GLB1: variants seen among roughly 807,000 people sequenced by gnomAD.
GLB1 encodes the protein beta-galactosidase.
A neutral mutation model predicts 74.0 loss-of-function variants in GLB1; 56 were observed. That is an observed-to-expected ratio of 0.76 (90% confidence interval 0.61 to 0.94). The LOEUF is 0.94. GLB1 is among the 40% of genes least tolerant of loss of function. GLB1 has a pLI of 0.00. For missense variants in GLB1, 787 were observed against 845.5 expected (o/e 0.93, Z 0.86); for synonymous variants, 323 against 323.6 (o/e 1.00, Z 0.02).
At chr3:32,980,550 A>G in the GLB1 span, among the ~76,000 whole-genome samples, 259 of 152,340 alleles carry the variant, frequency 1.7e-3, 1 homozygote, top group African/African-American at 5.6e-3. Context: ...TGGGAGGCCA[A>G]GGTGGGTGGA....
chr3:33,090,572 T>C, intron 1 of GLB1: 1 of 985,396 alleles, frequency 1.0e-6, no homozygotes, highest in Non-Finnish European at 1.2e-6. Flanking sequence ...GAAAGAATGA[T>C]CAAGCTTCAA....
At position 33,093,001 on chromosome 3, in the gene GLB1, G is replaced by C; in HGVS notation, c.75+4010C>G. The C allele has an allele frequency of 6.2e-7, 1 of 1,614,244 alleles. No homozygotes were observed. Among genetic ancestry groups the C allele is most frequent in the Non-Finnish European group, 8.5e-7 (1 of 1,180,050 alleles). On this transcript the variant is annotated intron_variant, in intron 1 of 15. Transcript: ENST00000307363. This position sits in a 1 kb window ranked among gnomAD's most constrained non-coding sequence, Gnocchi z 6.0. ...AGGAGATAGGCTGCTACGTTCAAGG[G>C]GAAGATCTGCCCAGCATGTGTGTGC... is the stretch of plus-strand genomic sequence containing the variant.
At chr3:32,961,223 AC>A in the GLB1 span, among the ~76,000 whole-genome samples, 5 of 152,274 alleles carry the variant, frequency 3.3e-5, no homozygotes, top group East Asian at 9.6e-4. Context: ...GAATTTTAAA[AC>A]CCCCAAACTC....
At chr3:33,083,296 C>T (rs1278588545) in intron 1 of GLB1, among the ~76,000 whole-genome samples, 2 of 150,770 alleles carry the variant, frequency 1.3e-5, no homozygotes, top group Non-Finnish European at 2.9e-5. Flanking sequence ...TACTTGGAGG[C>T]TGAGGCAGAA....
intron 15 of GLB1, among the ~76,000 whole-genome samples, chr3:32,998,167 G>A (rs565935020): frequency 6.6e-6 from 1 of 152,236 alleles, no homozygotes; most frequent in East Asian, 1.9e-4. Context: ...TAAAAAACAG[G>A]GACCATGTTT....
the GLB1 span, among the ~76,000 whole-genome samples, chr3:32,963,412 C>T: frequency 6.6e-6 from 1 of 152,046 alleles, no homozygotes; most frequent in Admixed American, 6.6e-5. Flanking sequence ...AATTCAGAAG[C>T]CATGAAGGAA....
At chr3:32,994,098 G>A (rs1231064391), downstream of GLB1, among the ~76,000 whole-genome samples, 10 of 152,180 alleles carry the variant, frequency 6.6e-5, no homozygotes, top group African/African-American at 2.2e-4. Flanking sequence ...AAATGAAAAC[G>A]GATGACTACA....
At chr3:33,096,249 T>C (rs1701020441) in intron 1 of GLB1, 1 of 348,252 alleles carries the variant, frequency 2.9e-6, no homozygotes, top group South Asian at 1.2e-4. Context: ...AGGCAGCGCT[T>C]TGGAGCCCCT....
chr3:33,012,945 A>G (rs963207145), intron 15 of GLB1, among the ~76,000 whole-genome samples: 2 of 152,234 alleles, frequency 1.3e-5, no homozygotes, highest in African/African-American at 4.8e-5. Flanking sequence ...CGAATCCATA[A>G]GTGTCCTTAC....
At chr3:33,085,701 A>C (rs553340095) in intron 1 of GLB1, among the ~76,000 whole-genome samples, 57 of 152,238 alleles carry the variant, frequency 3.7e-4, no homozygotes, top group Non-Finnish European at 7.1e-4. Flanking sequence ...ATTAAAAAAA[A>C]AAACAAAACT....
At chr3:33,073,874 A>C (rs1384702640) in intron 1 of GLB1, among the ~76,000 whole-genome samples, 2 of 151,392 alleles carry the variant, frequency 1.3e-5, no homozygotes, top group African/African-American at 4.8e-5. Context: ...ACAAACAAAA[A>C]TTAAGCAGGC....
chr3:33,021,053 G>A (rs1231299175), intron 12 of GLB1, among the ~76,000 whole-genome samples: 1 of 149,160 alleles, frequency 6.7e-6, no homozygotes, highest in Non-Finnish European at 1.5e-5. Flanking sequence ...ATAAAGATGA[G>A]GCAGTGTCTG....
At chr3:33,021,719 CATTCCCTAA>C in intron 11 of GLB1, 64 bp from the exon 12 acceptor site, 7 of 1,559,410 alleles carry the variant, frequency 4.5e-6, no homozygotes, top group Non-Finnish European at 6.1e-6. Flanking sequence ...GTTACAGAGT[CATTCCCTAA>C]TTATCAAAGA....
intron 11 of GLB1, among the ~76,000 whole-genome samples, chr3:33,023,228 T>C (rs1697577366): frequency 6.6e-6 from 1 of 152,224 alleles, no homozygotes; most frequent in Non-Finnish European, 1.5e-5. Context: ...TAAAAATAGA[T>C]TTGTCATGGC....
chr3:33,004,437 C>T (rs926924329), intron 15 of GLB1, among the ~76,000 whole-genome samples: 11 of 152,250 alleles, frequency 7.2e-5, no homozygotes, highest in African/African-American at 2.7e-4. Context: ...AACTGATACA[C>T]ATCTCCATGG....
At chr3:33,032,346 A>T (rs761901953) in intron 10 of GLB1, among the ~76,000 whole-genome samples, 6 of 152,056 alleles carry the variant, frequency 3.9e-5, no homozygotes, top group Non-Finnish European at 7.4e-5. Context: ...AAATCTGTCT[A>T]CCTGGATGTT....
rs189277905 is a variant in GLB1, at chr3:33,031,597, G to A, written c.1069-7272C>T. Among the ~76,000 whole-genome samples, 295 of 95,916 alleles carry A rather than the reference G, an allele frequency of 3.1e-3. 2 individuals are homozygous for A. Among genetic ancestry groups the A allele is most frequent in the African/African-American group, 0.012 (284 of 24,216 alleles). 62.9% of individuals were successfully genotyped at this position (95,916 alleles called of 152,430 possible). ...AGGTGGAAGTTGCCTGGGTGACAGAGCAAGGCTCTGTCTCAAAAAAAAAAA... is the reference window on the plus strand; with the variant it reads ...AGGTGGAAGTTGCCTGGGTGACAGAACAAGGCTCTGTCTCAAAAAAAAAAA... On this transcript the variant is annotated intron_variant, in intron 10 of 15. Coordinates refer to ENST00000307363, the MANE Select transcript of GLB1 (RefSeq NM_000404.4).
intron 15 of GLB1, among the ~76,000 whole-genome samples, chr3:33,009,079 A>G (rs1386031261): frequency 1.3e-5 from 2 of 151,536 alleles, no homozygotes; most frequent in Non-Finnish European, 2.9e-5. Flanking sequence ...AGATTGTGCC[A>G]CTGTACTCCA....
chr3:33,085,205 G>A (rs1258041413), intron 1 of GLB1, among the ~76,000 whole-genome samples: 1 of 143,432 alleles, frequency 7.0e-6, no homozygotes, highest in South Asian at 2.4e-4. Context: ...GCCCAGAATG[G>A]TTCAGGCTGC....
Sources: allele counts gnomAD v4.1 joint callset (sites outside exome capture counted in the v4.1 genomes callset), GRCh38; gene constraint gnomAD v4.1.1; non-coding constraint Gnocchi (gnomAD v3.1); transcripts MANE v1.5; gene names NCBI Gene and HGNC (gene_info 2026-07-23, HGNC 2026-07-21).